ILDR2: variants seen among roughly 807,000 people sequenced by gnomAD.
ILDR2 encodes immunoglobulin-like domain-containing receptor 2.
A neutral mutation model predicts 66.8 loss-of-function variants in ILDR2; 25 were observed. That is an observed-to-expected ratio of 0.37 (90% CI 0.27 to 0.52). The LOEUF (loss-of-function observed/expected upper bound fraction) is 0.52. ILDR2 is among the 20% of genes least tolerant of loss of function. The pLI, the probability that ILDR2 is intolerant of heterozygous loss-of-function variation, is 0.88. For synonymous variants in ILDR2, 367 were observed against 357.2 expected (o/e 1.03, Z -0.31); for missense variants, 827 against 876.8 (o/e 0.94, Z 0.72).
chr1:166,935,336 A>C lies in ILDR2; in HGVS notation c.845T>G (p.Leu282Trp). 6.2e-7 allele frequency: 1 copy of C among 1,614,130 alleles called. No homozygotes were observed. The highest frequency in any genetic ancestry group is 8.5e-7 in the Non-Finnish European group (1 of 1,180,018). Residue 282 changes from leucine (L) to tryptophan (W), a missense_variant, in exon 6 of 10, where the codon TTG becomes TGG. Leu to Trp is a moderately conservative substitution (Grantham distance 61). Transcript: ENST00000271417. The part of the protein sequence containing the change: ...MLMDKPHPPP[L>W]APSDSTGGSH... ...TCCTCCAGTGGAGTCACTTGGTGCC[A>C]AGGGAGGTGGATGCGGCTTGTCCAT... is the stretch of plus-strand genomic sequence containing the variant.
At chr1:166,950,631 T>C (rs1191514379) in intron 3 of ILDR2, among the ~76,000 whole-genome samples, 25 of 152,106 alleles carry the variant, frequency 1.6e-4, no homozygotes. Context: ...ACTGATTTTA[T>C]ACTATATGGC....
intron 2 of ILDR2, among the ~76,000 whole-genome samples, chr1:166,899,392 C>CAA (rs1256137812): frequency 4.8e-4 from 42 of 87,688 alleles, no homozygotes; most frequent in Non-Finnish European, 8.7e-4. Flanking sequence ...GACTCCATCT[C>CAA]AAAAAAAAAA....
chr1:166,944,603 T>A (rs966957619), intron 3 of ILDR2, among the ~76,000 whole-genome samples: 22 of 152,198 alleles, frequency 1.4e-4, no homozygotes, highest in Non-Finnish European at 1.5e-4. Context: ...ACAAATTATG[T>A]CCTAGTGGCA....
downstream of ILDR2, among the ~76,000 whole-genome samples, chr1:166,906,345 T>G (rs537736634): frequency 6.6e-6 from 1 of 152,320 alleles, no homozygotes. Flanking sequence ...AGAGGAAGCA[T>G]GGACCTGGGG....
intron 3 of ILDR2, among the ~76,000 whole-genome samples, chr1:166,940,473 C>T (rs1380432553): frequency 6.6e-6 from 1 of 152,174 alleles, no homozygotes; most frequent in African/African-American, 2.4e-5. Flanking sequence ...AAACAACTAG[C>T]AAATTTCCCT....
chr1:166,920,208 C>G (rs986844007), intron 9 of ILDR2, among the ~76,000 whole-genome samples: 5 of 152,302 alleles, frequency 3.3e-5, no homozygotes, highest in Non-Finnish European at 7.4e-5. Context: ...TTGTCCTTTG[C>G]AAACAGCAGT....
intron 1 of ILDR2, among the ~76,000 whole-genome samples, chr1:166,961,385 G>A (rs1389666175): frequency 6.6e-6 from 1 of 152,118 alleles, no homozygotes; most frequent in Admixed American, 6.6e-5. Flanking sequence ...ATTAATAGAG[G>A]TTGGTCAATT....
chr1:166,949,908 T>C (rs1422313565), intron 3 of ILDR2, among the ~76,000 whole-genome samples: 1 of 152,326 alleles, frequency 6.6e-6, no homozygotes, highest in African/African-American at 2.4e-5. Flanking sequence ...GAAAAGCCAC[T>C]CCTCATTTGT....
chr1:166,946,945 C>A (rs1408015386), intron 3 of ILDR2, among the ~76,000 whole-genome samples: 1 of 152,006 alleles, frequency 6.6e-6, no homozygotes. Flanking sequence ...AAGTTGCAAC[C>A]GGAAAAAATG....
downstream of ILDR2, among the ~76,000 whole-genome samples, chr1:166,904,082 C>T (rs1557919488): frequency 6.6e-6 from 1 of 152,192 alleles, no homozygotes; most frequent in Non-Finnish European, 1.5e-5. Context: ...TTGTCTTAAT[C>T]TTATTCACTG....
chr1:166,974,074 T>G lies in ILDR2; in HGVS notation c.46+1149A>C, dbSNP rs577757658. On this transcript the variant is annotated intron_variant, in intron 1 of 9. Transcript: ENST00000271417. The stretch of plus-strand genomic sequence containing the variant: ...TAGCTATTTTAAGCTTGTTCCCCTT[T>G]GCCTAGTGCCTTGATTTTGTCCAGA... 2.0e-5 allele frequency among the ~76,000 whole-genome samples: 3 copies of G among 152,356 alleles called. No individual in the cohort carries two copies. In the East Asian group the frequency reaches 5.8e-4, roughly 29 times the overall value.
chr1:166,927,501 G>C (rs777356000), intron 6 of ILDR2, among the ~76,000 whole-genome samples: 2 of 152,118 alleles, frequency 1.3e-5, no homozygotes, highest in Non-Finnish European at 2.9e-5. Context: ...GCGCTTTTGC[G>C]TTCCATTGGA....
Position 166,908,772 on chromosome 1 carries a change from C to T in ILDR2, c.*10583G>A, listed in dbSNP as rs971138107. 1 of 152,190 alleles carries T rather than the reference C, an allele frequency of 6.6e-6. No individual in the cohort carries two copies. Among genetic ancestry groups the T allele is most frequent in the Non-Finnish European group, 1.5e-5 (1 of 68,042 alleles). 9.4% of individuals were successfully genotyped at this position (152,190 alleles called of 1,614,324 possible). On this transcript the variant is annotated 3_prime_UTR_variant, in exon 10 of 10. Transcript: ENST00000271417. ...CGAGACAAGTATAACCAAGGACATT[C>T]ACTGGTATATGGAAGGCTCTGGTAG...
Position 166,920,832 on chromosome 1 carries a change from A to T in ILDR2, c.1759T>A (p.Ser587Thr). 2 of 1,518,654 alleles carry T rather than the reference A, an allele frequency of 1.3e-6. No homozygotes were observed. Among genetic ancestry groups the T allele is most frequent in the Non-Finnish European group, 1.8e-6 (2 of 1,136,752 alleles). 94.1% of individuals were successfully genotyped at this position (1,518,654 alleles called of 1,614,324 possible). ...CTGTAGGGCGGCAGCGCGTCGTCGG[A>T]CGCGTCCTCCTGGTCGTCCTGCGAC... ...GSSQDDQEDA[S>T]DDALPPYSEL... The change falls in exon 9 of 10, where the codon TCC (serine) becomes ACC (threonine). Residue 587 changes from serine (S) to threonine (T), a missense_variant. This residue lies in a region of ILDR2 where 390 missense variants were observed against 353.6 expected (regional missense o/e 1.10). Transcript: ENST00000271417.
chr1:166,927,816 C>G (rs1053964543), intron 6 of ILDR2, among the ~76,000 whole-genome samples: 5 of 152,200 alleles, frequency 3.3e-5, no homozygotes, highest in Non-Finnish European at 7.4e-5. Context: ...TAGCATTTTC[C>G]TTTTAGGAGA....
intron 3 of ILDR2, among the ~76,000 whole-genome samples, chr1:166,953,881 G>A (rs1417267407): frequency 6.6e-6 from 1 of 152,174 alleles, no homozygotes; most frequent in Non-Finnish European, 1.5e-5. Flanking sequence ...ACTCATTTCT[G>A]AGAATACTTA....
At chr1:166,974,327 A>C (rs1318138146) in intron 1 of ILDR2, among the ~76,000 whole-genome samples, 1 of 152,076 alleles carries the variant, frequency 6.6e-6, no homozygotes, top group Non-Finnish European at 1.5e-5. Flanking sequence ...TGCTTTGTGA[A>C]TCTCTCAGGG....
chr1:166,970,719 C>G (rs952947760), intron 1 of ILDR2, among the ~76,000 whole-genome samples: 8 of 152,096 alleles, frequency 5.3e-5, no homozygotes, highest in Non-Finnish European at 1.0e-4. Flanking sequence ...AACTAGCCAC[C>G]CAGAATACTC....
At chr1:166,897,015 A>G (rs1278925955) in intron 2 of ILDR2, among the ~76,000 whole-genome samples, 1 of 152,164 alleles carries the variant, frequency 6.6e-6, no homozygotes, top group African/African-American at 2.4e-5. Context: ...TCTATTGCAC[A>G]TTGCTGCTAT....
Sources: gnomAD v4.1 joint callset for allele counts (sites outside exome capture counted in the v4.1 genomes callset) on GRCh38, gnomAD v4.1.1 for gene constraint, gnomAD v4.1.1 regional missense constraint, MANE v1.5 for transcripts, NCBI Gene and HGNC (gene_info 2026-07-23, HGNC 2026-07-21) for gene names.